The following LRRC1 variants were observed in gnomAD, a reference collection of about 807,000 sequenced individuals.
The protein encoded by LRRC1 is leucine rich repeat containing 1.
LRRC1 carries 28 observed loss-of-function variants against 69.9 expected under a neutral mutation model. That is an observed-to-expected ratio of 0.40 (90% CI 0.30 to 0.55). The LOEUF is 0.55. LRRC1 is among the 20% of genes least tolerant of loss of function. The pLI is 0.47. For synonymous variants in LRRC1, 236 were observed against 240.2 expected (o/e 0.98, Z 0.16); for missense variants, 498 against 609.0 (o/e 0.82, Z 1.92).
At chr6:53,803,572 T>C (rs1012884718) in intron 1 of LRRC1, among the ~76,000 whole-genome samples, 1 of 148,696 alleles carries the variant, frequency 6.7e-6, no homozygotes, top group Admixed American at 6.7e-5. Context: ...GAAGATCTAA[T>C]AGAGTGTGTG....
chr6:53,916,505 G>T (rs1244818571), intron 11 of LRRC1, among the ~76,000 whole-genome samples: 1 of 151,810 alleles, frequency 6.6e-6, no homozygotes. Context: ...CTCTCATTTT[G>T]GTGGGGTTTT....
At chr6:53,812,385 C>T (rs1764816667) in intron 1 of LRRC1, among the ~76,000 whole-genome samples, 2 of 152,008 alleles carry the variant, frequency 1.3e-5, no homozygotes, top group African/African-American at 4.8e-5. Flanking sequence ...TGACTGGGTA[C>T]CACCTTCAGA....
chr6:53,819,380 A>G (rs1377151562), intron 1 of LRRC1, among the ~76,000 whole-genome samples: 4 of 152,130 alleles, frequency 2.6e-5, no homozygotes, highest in Non-Finnish European at 5.9e-5. Context: ...AGGGCCTTGA[A>G]AAGTACTTAA....
chr6:53,838,118 C>T (rs72936404), intron 1 of LRRC1, among the ~76,000 whole-genome samples: 2,652 of 152,278 alleles, frequency 0.017, 40 homozygotes, highest in Middle Eastern at 0.065. Context: ...GTTATTTTTC[C>T]TGACTCTCTA....
intron 1 of LRRC1, 52 bp from the exon 2 acceptor site, chr6:53,842,058 G>A: frequency 1.7e-6 from 2 of 1,188,778 alleles, no homozygotes; most frequent in Non-Finnish European, 2.5e-6. Flanking sequence ...TAGCCCAAAA[G>A]TTTATGATAC....
intron 3 of LRRC1, among the ~76,000 whole-genome samples, chr6:53,881,171 T>C (rs1322514666): frequency 1.3e-5 from 2 of 152,210 alleles, no homozygotes; most frequent in African/African-American, 4.8e-5. Flanking sequence ...TAAGATGACA[T>C]CTGTGAGTTG....
At position 53,897,344 on chromosome 6, in the gene LRRC1, G is replaced by A. The variant is rs746381367; in HGVS notation, c.627G>A (p.Leu209=). 16 of 1,610,244 alleles carry A rather than the reference G, an allele frequency of 9.9e-6. No individual in the cohort carries two copies. In the East Asian group the frequency reaches 3.6e-4, roughly 36 times the overall value. ...ATCTCTGGTTGGATGGAAATCAACT[G>A]TCAGAATTACCTCAGGTAAGTGGTA... is the stretch of plus-strand genomic sequence containing the variant. The part of the protein sequence containing the change: ...LKDLWLDGNQ[L]SELPQEIGNL... The change falls in exon 7 of 14, where the codon CTG becomes CTA. Residue 209 remains leucine (L), a synonymous_variant. Transcript: ENST00000370888.
At chr6:53,870,088 G>A (rs1163501488) in intron 2 of LRRC1, among the ~76,000 whole-genome samples, 10 of 152,198 alleles carry the variant, frequency 6.6e-5, no homozygotes, top group Admixed American at 6.5e-4. Flanking sequence ...AATTTAGCCT[G>A]GAGAGAGAAT....
In LRRC1 at chr6:53,907,175, C is replaced by G. The variant is rs547080691; in HGVS notation, c.990+2713C>G. On this transcript the variant is annotated intron_variant, in intron 10 of 13. Coordinates refer to ENST00000370888, the MANE Select transcript of LRRC1 (RefSeq NM_018214.5). ...CTTGATGCCATTTGATCAAATCTTG[C>G]ATTTTCCTGATTGGATTCTTCCAAA... Among the ~76,000 whole-genome samples the G allele has an allele frequency of 7.9e-5, 12 of 152,296 alleles. No individual in the cohort carries two copies. The East Asian group carries it at 1.5e-3, about 20-fold the overall frequency.
chr6:53,896,914 G>A (rs563531903), intron 6 of LRRC1, 22 bp downstream of exon 6: 1 of 1,459,908 alleles, frequency 6.8e-7, no homozygotes, highest in African/African-American at 1.4e-5. Context: ...TTAGAGATTT[G>A]AATTTAACTT....
At chr6:53,804,261 A>T (rs1416995638) in intron 1 of LRRC1, among the ~76,000 whole-genome samples, 15 of 152,196 alleles carry the variant, frequency 9.9e-5, no homozygotes, top group Admixed American at 1.3e-4. Context: ...TTTATTTTTA[A>T]TTGACAAATA....
At chr6:53,919,773 C>A in intron 12 of LRRC1, 103 bp downstream of exon 12, 2 of 1,045,480 alleles carry the variant, frequency 1.9e-6, no homozygotes, top group Non-Finnish European at 2.7e-6. Context: ...GTGTTATATC[C>A]AGTCTGCACC....
intron 4 of LRRC1, among the ~76,000 whole-genome samples, chr6:53,888,452 A>C (rs1767565434): frequency 6.6e-6 from 1 of 152,208 alleles, no homozygotes; most frequent in African/African-American, 2.4e-5. Flanking sequence ...GATTTAAAGA[A>C]GACTCAATAA....
At chr6:53,912,124 A>G (rs1238940925) in intron 10 of LRRC1, among the ~76,000 whole-genome samples, 2 of 152,236 alleles carry the variant, frequency 1.3e-5, no homozygotes, top group African/African-American at 2.4e-5. Flanking sequence ...CAGAGAGGCT[A>G]TGCATGGTGG....
intron 1 of LRRC1, among the ~76,000 whole-genome samples, chr6:53,834,740 G>A (rs1001353470): frequency 2.0e-5 from 3 of 152,236 alleles, no homozygotes; most frequent in Admixed American, 6.5e-5. Flanking sequence ...TTGGGAGGCC[G>A]AGGCAGGCGG....
intron 2 of LRRC1, among the ~76,000 whole-genome samples, chr6:53,871,983 T>G (rs1233653214): frequency 6.6e-6 from 1 of 152,154 alleles, no homozygotes; most frequent in African/African-American, 2.4e-5. Flanking sequence ...TTTGCTTTTG[T>G]TGCCTGTGTT....
chr6:53,922,651 G>T lies in LRRC1; in HGVS notation c.1433G>T (p.Arg478Leu). The part of the protein sequence containing the change: ...EDNETRTLLR[R>L]ATPHPGELKH... ...TGTTTTTAGAGAACACTTCTAAGGC[G>T]AGCCACTCCACACCCAGGGGAGTTA... Residue 478 changes from arginine to leucine, a missense_variant, in exon 14 of 14, where the codon CGA (arginine) becomes CTA (leucine). Around this residue, in one of 3 missense-constraint regions of LRRC1, gnomAD observed 162 missense variants for 162.9 expected, o/e 0.99. Transcript: ENST00000370888. The T allele has an allele frequency of 6.2e-7, 1 of 1,613,620 alleles. No individual in the cohort carries two copies.
chr6:53,825,259 G>A (rs146601518), intron 1 of LRRC1, among the ~76,000 whole-genome samples: 1 of 152,300 alleles, frequency 6.6e-6, no homozygotes, highest in East Asian at 1.9e-4. Flanking sequence ...TAATGATGGA[G>A]GTGTGCACTT....
intron 10 of LRRC1, among the ~76,000 whole-genome samples, chr6:53,906,203 A>G (rs554388161): frequency 6.6e-6 from 1 of 152,292 alleles, no homozygotes; most frequent in South Asian, 2.1e-4. Context: ...AGTTTTTCTT[A>G]CTAGGGCTCA....
Sources: allele counts gnomAD v4.1 joint callset (sites outside exome capture counted in the v4.1 genomes callset), GRCh38; gene constraint gnomAD v4.1.1; regional missense constraint gnomAD v4.1.1; transcripts MANE v1.5; gene names NCBI Gene and HGNC (gene_info 2026-07-23, HGNC 2026-07-21).